The following VEGFC variants were observed in gnomAD, a reference collection of about 807,000 sequenced individuals.
The protein encoded by VEGFC is FLT4 ligand DHM.
Under a neutral mutation model 46.1 loss-of-function variants are expected in VEGFC, and 12 were observed. That is an observed-to-expected ratio of 0.26 (90% confidence interval 0.17 to 0.42). VEGFC has a LOEUF of 0.42. Ranked by LOEUF, VEGFC falls within the 10% of genes least tolerant of loss-of-function variation. The pLI is 1.00. For synonymous variants in VEGFC, 232 were observed against 195.5 expected (o/e 1.19, Z -1.56); for missense variants, 488 against 529.4 (o/e 0.92, Z 0.77).
rs561939869 is a variant in VEGFC at position 176,784,124 on chromosome 4, G to A, written c.147+8041C>T. On this transcript the variant is annotated intron_variant, in intron 1 of 6. Coordinates refer to ENST00000618562, the MANE Select transcript of VEGFC (RefSeq NM_005429.5). ...CTGTTGCCCAGGCTGGAGTGCAGTG[G>A]GGTGATCTCAGCTCACTCACTGCAA... 2.4e-3 allele frequency among the ~76,000 whole-genome samples: 349 copies of A among 148,304 alleles called. 2 individuals carry two copies. The highest frequency in any genetic ancestry group is 8.3e-3 in the African/African-American group (335 of 40,180).
rs148140472 is a variant in VEGFC at position 176,770,979 on chromosome 4, T to TACACACACACACACACAC, written c.147+21168_147+21185dup. On this transcript the variant is annotated intron_variant, in intron 1 of 6. Coordinates refer to ENST00000618562, the MANE Select transcript of VEGFC (RefSeq NM_005429.5). ...TTCAATTGAAGGTGCAAGTAACTGATACACACACACACACACACACACACA... is the reference window on the plus strand; with the variant it reads ...TTCAATTGAAGGTGCAAGTAACTGATACACACACACACACACACACACACACACACACACACACACACA... Among the ~76,000 whole-genome samples the TACACACACACACACACAC allele has an allele frequency of 4.5e-3, 675 of 148,490 alleles. 3 individuals are homozygous for TACACACACACACACACAC. Among genetic ancestry groups the TACACACACACACACACAC allele is most frequent in the African/African-American group, 0.016 (637 of 40,144 alleles).
At chr4:176,689,742 T>C (rs1734115222) in intron 4 of VEGFC, 2 of 152,226 alleles carry the variant, frequency 1.3e-5, no homozygotes. Context: ...TGTTATTTGC[T>C]ATGCTATACC....
chr4:176,714,546 A>C (rs892592248), intron 3 of VEGFC, among the ~76,000 whole-genome samples: 5 of 152,244 alleles, frequency 3.3e-5, no homozygotes, highest in African/African-American at 1.2e-4. Flanking sequence ...CATTGTCTCC[A>C]GTGAAACCAG....
At chr4:176,693,438 A>G (rs1734247948) in intron 4 of VEGFC, among the ~76,000 whole-genome samples, 1 of 139,376 alleles carries the variant, frequency 7.2e-6, no homozygotes, top group Admixed American at 7.0e-5. Context: ...AAAAGAATAA[A>G]AAGAAATGAG....
At chr4:176,767,490 G>C (rs543774557) in intron 1 of VEGFC, among the ~76,000 whole-genome samples, 5 of 152,296 alleles carry the variant, frequency 3.3e-5, no homozygotes, top group African/African-American at 1.2e-4. Context: ...ACAGTGCCCA[G>C]CAATTTCCAG....
chr4:176,683,932 C>A lies in VEGFC; in HGVS notation c.1254G>T (p.Met418Ile). The change falls in exon 7 of 7, where the codon ATG becomes ATT. Residue 418 changes from methionine (M) to isoleucine (I), a missense_variant. By Grantham distance (10) the Met-to-Ile change is conservative. Transcript: ENST00000618562. ...ACTGGAAAACAGTACAATCTTAGCT[C>A]ATTTGTGGTCTTTTCCAATATGAAG... ...CVPSYWKRPQ[M>I]S is the part of the protein sequence containing the mutation. 1 of 1,611,658 alleles carries A rather than the reference C, an allele frequency of 6.2e-7. No homozygotes were observed. The highest frequency in any genetic ancestry group is 1.7e-5 in the Admixed American group (1 of 60,022).
chr4:176,694,571 G>A (rs201792266), intron 4 of VEGFC, among the ~76,000 whole-genome samples: 34,987 of 150,762 alleles, frequency 0.23, 6,674 homozygotes, highest in African/African-American at 0.53. Context: ...ACAGATCAAC[G>A]AGACAGAAAG....
chr4:176,778,004 T>G (rs1005284249), intron 1 of VEGFC, among the ~76,000 whole-genome samples: 1 of 150,228 alleles, frequency 6.7e-6, no homozygotes, highest in African/African-American at 2.5e-5. Context: ...TGCCTAAATA[T>G]ATGGTTCTTC....
At chr4:176,746,795 A>C (rs550394718) in intron 1 of VEGFC, among the ~76,000 whole-genome samples, 70 of 152,236 alleles carry the variant, frequency 4.6e-4, no homozygotes, top group African/African-American at 1.6e-3. Flanking sequence ...CCCTACTAAA[A>C]TTCCAAGCAA....
intron 1 of VEGFC, among the ~76,000 whole-genome samples, chr4:176,759,515 A>G (rs1160997997): frequency 6.6e-6 from 1 of 152,112 alleles, no homozygotes; most frequent in African/African-American, 2.4e-5. Flanking sequence ...TACAGTTTCA[A>G]TTAGACAGAA....
chr4:176,693,091 C>A (rs1352666539), intron 4 of VEGFC, among the ~76,000 whole-genome samples: 1 of 152,094 alleles, frequency 6.6e-6, no homozygotes, highest in Non-Finnish European at 1.5e-5. Flanking sequence ...CAAAGAAACA[C>A]AGTTCCTTAC....
intron 1 of VEGFC, among the ~76,000 whole-genome samples, chr4:176,735,666 G>A (rs916314670): frequency 1.3e-5 from 2 of 151,824 alleles, no homozygotes; most frequent in African/African-American, 4.8e-5. Context: ...ACATATGCAG[G>A]CTTCTGAACA....
At chr4:176,713,106 G>T (rs1734643951) in intron 3 of VEGFC, among the ~76,000 whole-genome samples, 1 of 152,134 alleles carries the variant, frequency 6.6e-6, no homozygotes, top group South Asian at 2.1e-4. Flanking sequence ...TATATTATTT[G>T]CTATACAGAT....
At chr4:176,748,043 T>G (rs1735285280) in intron 1 of VEGFC, among the ~76,000 whole-genome samples, 1 of 152,078 alleles carries the variant, frequency 6.6e-6, no homozygotes, top group Non-Finnish European at 1.5e-5. Context: ...TTTTAAAATA[T>G]ACCTTGAGGC....
At position 176,744,459 on chromosome 4, in the gene VEGFC, G is replaced by A. The variant is rs1259560314; in HGVS notation, c.148-14713C>T. Among the ~76,000 whole-genome samples, 15 of 151,994 alleles carry A rather than the reference G, an allele frequency of 9.9e-5. 1 individual carries two copies. Among genetic ancestry groups the A allele is most frequent in the South Asian group, 6.2e-4 (3 of 4,824 alleles). On this transcript the variant is annotated intron_variant, in intron 1 of 6. Coordinates refer to ENST00000618562, the MANE Select transcript of VEGFC (RefSeq NM_005429.5). ...GAATGGAAAAGTAACTCTCCATTCC[G>A]TTTATAACCGAGGGTTCAAGTGGGA... is the stretch of plus-strand genomic sequence containing the variant.
chr4:176,711,278 T>C (rs1734615150), intron 4 of VEGFC, among the ~76,000 whole-genome samples: 1 of 152,190 alleles, frequency 6.6e-6, no homozygotes, highest in African/African-American at 2.4e-5. Context: ...ATACTTCTTT[T>C]ATATTGTGAA....
intron 1 of VEGFC, among the ~76,000 whole-genome samples, chr4:176,764,963 C>T (rs1344941990): frequency 6.6e-6 from 1 of 152,052 alleles, no homozygotes; most frequent in African/African-American, 2.4e-5. Context: ...GTATTGTATA[C>T]TCAGGAAGCT....
At chr4:176,780,386 A>AAAAAAAAAACAAAC (rs1553997816) in intron 1 of VEGFC, among the ~76,000 whole-genome samples, 2 of 144,356 alleles carry the variant, frequency 1.4e-5, no homozygotes, top group African/African-American at 5.1e-5. Context: ...CATCTCAAAA[A>AAAAAAAAAACAAAC]AAAAAAAAAA....
chr4:176,776,737 A>G (rs1347859428), intron 1 of VEGFC, among the ~76,000 whole-genome samples: 1 of 152,266 alleles, frequency 6.6e-6, no homozygotes, highest in Non-Finnish European at 1.5e-5. Flanking sequence ...AATATGGTGC[A>G]ACGGCCAAAG....
Sources: gnomAD v4.1 joint callset for allele counts (sites outside exome capture counted in the v4.1 genomes callset) on GRCh38, gnomAD v4.1.1 for gene constraint, MANE v1.5 for transcripts, NCBI Gene and HGNC (gene_info 2026-07-23, HGNC 2026-07-21) for gene names.